MRAS: variants seen among roughly 807,000 people sequenced by gnomAD.
The protein encoded by MRAS is muscle RAS oncogene homolog, also known as ras-related protein M-Ras.
Under a neutral mutation model 20.9 loss-of-function variants are expected in MRAS, and 4 were observed. The ratio of observed to expected loss-of-function variants is 0.19; its 90% CI spans 0.09 to 0.44. MRAS has a LOEUF of 0.44. MRAS is among the 20% of genes least tolerant of loss of function. The probability of loss-of-function intolerance (pLI) is 0.99; values close to 1 mark genes in which losing one functional copy is unlikely to be tolerated. For synonymous variants in MRAS, 98 were observed against 102.9 expected (o/e 0.95, Z 0.29); for missense variants, 154 against 277.5 (o/e 0.56, Z 3.16).
intron 2 of MRAS, among the ~76,000 whole-genome samples, chr3:138,381,024 C>T (rs889069842): frequency 6.6e-5 from 10 of 152,216 alleles, no homozygotes; most frequent in Middle Eastern, 3.4e-3. Flanking sequence ...CCACCCGCCT[C>T]GGCCTCCCAA....
intron 2 of MRAS, among the ~76,000 whole-genome samples, chr3:138,374,089 G>C (rs2054732315): frequency 6.6e-6 from 1 of 151,988 alleles, no homozygotes; most frequent in Non-Finnish European, 1.5e-5. Flanking sequence ...CTCCCAAGTA[G>C]CTGGGATTAC....
At chr3:138,401,083 C>T (rs2055350735) in intron 5 of MRAS, among the ~76,000 whole-genome samples, 1 of 152,224 alleles carries the variant, frequency 6.6e-6, no homozygotes, top group Admixed American at 6.5e-5. Context: ...TTTCCCAACC[C>T]CACCAGCTGT....
intron 1 of MRAS, among the ~76,000 whole-genome samples, chr3:138,357,091 G>A (rs1230459390): frequency 6.6e-6 from 1 of 152,246 alleles, no homozygotes; most frequent in Non-Finnish European, 1.5e-5. Context: ...AGGTCACTTG[G>A]CACTTCAACA....
chr3:138,396,865 T>C (rs200047637), intron 2 of MRAS, among the ~76,000 whole-genome samples: 2 of 151,868 alleles, frequency 1.3e-5, no homozygotes, highest in East Asian at 3.9e-4. Flanking sequence ...CCCTAGGGGG[T>C]GCAAGGTAGA....
At chr3:138,379,107 A>G (rs1210282886) in intron 2 of MRAS, among the ~76,000 whole-genome samples, 1 of 152,104 alleles carries the variant, frequency 6.6e-6, no homozygotes, top group Non-Finnish European at 1.5e-5. Flanking sequence ...CTACTGTGCT[A>G]TCAAATACTA....
chr3:138,383,201 A>G (rs1308136190), intron 2 of MRAS, among the ~76,000 whole-genome samples: 3 of 152,216 alleles, frequency 2.0e-5, no homozygotes, highest in African/African-American at 4.8e-5. Flanking sequence ...CTTGGCATCT[A>G]TTAGGTGTTT....
chr3:138,379,553 T>C (rs890753219), intron 2 of MRAS, among the ~76,000 whole-genome samples: 2 of 152,146 alleles, frequency 1.3e-5, no homozygotes, highest in Non-Finnish European at 2.9e-5. Flanking sequence ...AGATGGGGTT[T>C]CACCATCTTG....
chr3:138,364,054 C>T (rs779638530), intron 1 of MRAS, among the ~76,000 whole-genome samples: 6 of 152,188 alleles, frequency 3.9e-5, no homozygotes, highest in Non-Finnish European at 8.8e-5. Context: ...CACGTTCATT[C>T]AGCAAGCCTT....
chr3:138,358,001 T>C (rs2054369155), intron 1 of MRAS, among the ~76,000 whole-genome samples: 1 of 152,204 alleles, frequency 6.6e-6, no homozygotes, highest in Admixed American at 6.5e-5. Flanking sequence ...AGAACAAGGA[T>C]AACAATCTGT....
Position 138,402,241 on chromosome 3 carries a change from C to A in MRAS, c.599C>A (p.Thr200Asn). ...TKWRGDRATG[T>N]HKLQCVIL The stretch of plus-strand genomic sequence containing the variant: ...TGGCGGGGAGACCGGGCCACAGGCA[C>A]CCACAAACTGCAATGTGTGATCTTG... Residue 200 changes from threonine (T) to asparagine (N), a missense_variant, in exon 6 of 6, where the codon ACC becomes AAC. Thr to Asn is a moderately conservative substitution (Grantham distance 65). This residue lies in a region of MRAS where 125 missense variants were observed against 213.5 expected (regional missense o/e 0.59). Coordinates refer to ENST00000423968, the MANE Select transcript of MRAS (RefSeq NM_001085049.3). The A allele has an allele frequency of 6.2e-7, 1 of 1,614,226 alleles. No homozygotes were observed. The highest frequency in any genetic ancestry group is 1.6e-4 in the Middle Eastern group (1 of 6,062).
intron 1 of MRAS, among the ~76,000 whole-genome samples, chr3:138,352,148 CACTG>C (rs1292122781): frequency 1.3e-5 from 2 of 152,230 alleles, no homozygotes. Context: ...GCAGTGCTGG[CACTG>C]CCTCATGCTT....
At chr3:138,398,928 A>G (rs917011323) in intron 4 of MRAS, among the ~76,000 whole-genome samples, 2 of 152,210 alleles carry the variant, frequency 1.3e-5, no homozygotes, top group South Asian at 2.1e-4. Flanking sequence ...AAGGGGCTCC[A>G]GGTAGGTCCC....
intron 2 of MRAS, among the ~76,000 whole-genome samples, chr3:138,374,007 G>A (rs2054729923): frequency 6.6e-6 from 1 of 151,902 alleles, no homozygotes; most frequent in African/African-American, 2.4e-5. Flanking sequence ...CCAGGTTGGT[G>A]GAGTGCAGTG....
At position 138,372,980 on chromosome 3, in the gene MRAS, T is replaced by A; in HGVS notation, c.97T>A (p.Phe33Ile). ...GVGKSALTIQ[F>I]FQKIFVPDYD... Reference sequence around the variant, plus strand: ...GGGCAAAAGTGCCCTCACCATCCAGTTTTTCCAGAAGATCTTTGTGCCTGA... The same window carrying A: ...GGGCAAAAGTGCCCTCACCATCCAGATTTTCCAGAAGATCTTTGTGCCTGA... The change falls in exon 2 of 6, where the codon TTT becomes ATT. Residue 33 changes from phenylalanine to isoleucine, a missense_variant. Coordinates refer to ENST00000423968, the MANE Select transcript of MRAS (RefSeq NM_001085049.3). The A allele has an allele frequency of 6.4e-7, 1 of 1,571,446 alleles. No individual in the cohort carries two copies. Among genetic ancestry groups the A allele is most frequent in the Non-Finnish European group, 8.6e-7 (1 of 1,161,442 alleles).
chr3:138,398,444 G>A, intron 3 of MRAS, 25 bp from the exon 4 acceptor site: 2 of 1,604,976 alleles, frequency 1.2e-6, no homozygotes, highest in Non-Finnish European at 1.7e-6. Flanking sequence ...AAACCTCACA[G>A]AGCTGCTGTT....
chr3:138,380,271 C>A (rs567391502), intron 2 of MRAS, among the ~76,000 whole-genome samples: 140 of 152,054 alleles, frequency 9.2e-4, no homozygotes, highest in African/African-American at 3.3e-3. Flanking sequence ...AACACTAAGT[C>A]CCCATTTTCC....
chr3:138,377,294 A>G (rs1009667915), intron 2 of MRAS, among the ~76,000 whole-genome samples: 4 of 152,208 alleles, frequency 2.6e-5, no homozygotes, highest in Non-Finnish European at 4.4e-5. Context: ...TCTCCACTCC[A>G]TTAGATCTGC....
At chr3:138,360,076 A>T (rs942088878) in intron 1 of MRAS, among the ~76,000 whole-genome samples, 1 of 152,320 alleles carries the variant, frequency 6.6e-6, no homozygotes, top group East Asian at 1.9e-4. Context: ...TCCTGTTTGC[A>T]CAGGCCCCAC....
At chr3:138,373,127 A>G in intron 2 of MRAS, 51 bp downstream of exon 2, 1 of 1,360,642 alleles carries the variant, frequency 7.3e-7, no homozygotes, top group Non-Finnish European at 9.6e-7. Flanking sequence ...GATGGGGAGG[A>G]TCAGGGAAAT....
Sources: allele counts gnomAD v4.1 joint callset (sites outside exome capture counted in the v4.1 genomes callset), GRCh38; gene constraint gnomAD v4.1.1; regional missense constraint gnomAD v4.1.1; transcripts MANE v1.5; gene names NCBI Gene and HGNC (gene_info 2026-07-23, HGNC 2026-07-21).